Variants in GPHN observed in about 807,000 individuals in gnomAD.
GPHN encodes gephyrin.
A neutral mutation model predicts 95.5 loss-of-function variants in GPHN; 17 were observed. The observed-to-expected ratio is 0.18, with a 90% CI of 0.12 to 0.27. The LOEUF is 0.27. Among genes scored for constraint, GPHN ranks in the 10% least tolerant of loss-of-function variants. GPHN has a pLI of 1.00. For missense variants in GPHN, 660 were observed against 978.1 expected, an observed-to-expected ratio of 0.67 and a Z score of 4.34; for synonymous variants, 320 against 322.5, an observed-to-expected ratio of 0.99 and a Z score of 0.08.
At chr14:66,565,628 T>A (rs72724588) in intron 1 of GPHN, among the ~76,000 whole-genome samples, 8,904 of 152,270 alleles carry the variant, frequency 0.058, 354 homozygotes, top group Middle Eastern at 0.099. Context: ...ACAAATTTAC[T>A]GACCACATGT....
intron 2 of GPHN, among the ~76,000 whole-genome samples, chr14:66,698,620 TCTTACTC>T (rs1311413819): frequency 1.3e-5 from 2 of 152,200 alleles, no homozygotes; most frequent in African/African-American, 4.8e-5. Context: ...TAGAACACAG[TCTTACTC>T]ATTCACCTAT....
At chr14:66,857,516 G>A (rs2062850579) in intron 4 of GPHN, among the ~76,000 whole-genome samples, 2 of 152,148 alleles carry the variant, frequency 1.3e-5, no homozygotes. Context: ...AATAGAACAT[G>A]TAAAGCATTG....
At chr14:67,735,297 C>G in the GPHN span, 6 of 864,504 alleles carry the variant, frequency 6.9e-6, no homozygotes, top group South Asian at 6.6e-5. Context: ...GGCTACATCT[C>G]ACCTCTCTGT....
At chr14:67,291,147 C>T in the GPHN span, among the ~76,000 whole-genome samples, 73 of 151,578 alleles carry the variant, frequency 4.8e-4, no homozygotes, top group Non-Finnish European at 1.6e-4. Context: ...TATTGGAAAA[C>T]GATTCCCAAC....
Position 67,036,534 on chromosome 14 carries a change from CACACACAG to C in GPHN, c.1006+12861_1006+12868del, listed in dbSNP as rs1428168325. 1.0e-4 allele frequency among the ~76,000 whole-genome samples: 15 copies of C among 149,308 alleles called. 1 individual carries two copies. Among genetic ancestry groups the C allele is most frequent in the African/African-American group, 2.9e-4 (12 of 40,822 alleles). On this transcript the variant is annotated intron_variant, in intron 10 of 22. Coordinates refer to ENST00000478722, the MANE Select transcript of GPHN (RefSeq NM_020806.5). ...ACACACACACACACACACACACACA[CACACACAG>C]AGAAACACTAACTGTTAAAGCTAAT...
the GPHN span, chr14:67,678,234 T>C: frequency 1.1e-6 from 1 of 924,062 alleles, no homozygotes; most frequent in African/African-American, 1.6e-5. Flanking sequence ...TGCTAAAGGT[T>C]TTGAAAACCT....
chr14:67,079,316 A>G (rs2076605252), intron 11 of GPHN, among the ~76,000 whole-genome samples: 1 of 152,080 alleles, frequency 6.6e-6, no homozygotes, highest in Non-Finnish European at 1.5e-5. Context: ...CAAAGTATTC[A>G]GTGTTTTTAG....
At chr14:66,521,383 A>G (rs1297273668) in intron 1 of GPHN, among the ~76,000 whole-genome samples, 2 of 152,134 alleles carry the variant, frequency 1.3e-5, no homozygotes, top group African/African-American at 2.4e-5. Context: ...CCAGGTCTGT[A>G]TCACATATCC....
intron 1 of GPHN, among the ~76,000 whole-genome samples, chr14:66,644,732 A>G (rs2064632777): frequency 1.3e-5 from 2 of 152,140 alleles, no homozygotes; most frequent in African/African-American, 2.4e-5. Flanking sequence ...AATCCAGATT[A>G]CCTAGTCTTT....
chr14:67,484,532 T>C, the GPHN span, among the ~76,000 whole-genome samples: 1 of 152,234 alleles, frequency 6.6e-6, no homozygotes, highest in African/African-American at 2.4e-5. Flanking sequence ...AAGTTCCCTG[T>C]AATCACACAT....
intron 9 of GPHN, among the ~76,000 whole-genome samples, chr14:66,972,294 A>AAAAAG (rs1567167446): frequency 6.8e-6 from 1 of 147,144 alleles, no homozygotes; most frequent in East Asian, 2.0e-4. Flanking sequence ...AGAAAGAAAA[A>AAAAAG]AAAGAAAAAA....
chr14:66,833,637 C>G (rs1006441117), intron 4 of GPHN, among the ~76,000 whole-genome samples: 3 of 148,186 alleles, frequency 2.0e-5, no homozygotes, highest in African/African-American at 7.7e-5. Context: ...ACTTTATTCT[C>G]TTTGGAGGTT....
At chr14:67,279,223 TA>T in the GPHN span, 1 of 1,611,348 alleles carries the variant, frequency 6.2e-7, no homozygotes, top group Non-Finnish European at 8.5e-7. Flanking sequence ...GACAGCGAAG[TA>T]AAAAATGTTG....
intron 2 of GPHN, among the ~76,000 whole-genome samples, chr14:66,745,530 G>A (rs1210084598): frequency 2.6e-5 from 4 of 151,426 alleles, no homozygotes; most frequent in Admixed American, 2.0e-4. Context: ...ATTCTGTGAG[G>A]GATTATAAAT....
At chr14:66,670,466 G>A (rs996416613) in intron 1 of GPHN, among the ~76,000 whole-genome samples, 2 of 152,090 alleles carry the variant, frequency 1.3e-5, no homozygotes, top group Non-Finnish European at 2.9e-5. Flanking sequence ...ATAATGCCTC[G>A]TAATTTTACT....
the GPHN span, chr14:67,579,822 C>G: frequency 6.2e-7 from 1 of 1,609,400 alleles, no homozygotes; most frequent in Non-Finnish European, 8.5e-7. Context: ...TTGCCCTCTT[C>G]ACGGACGATC....
intron 9 of GPHN, among the ~76,000 whole-genome samples, chr14:67,006,314 C>T (rs2072606975): frequency 6.6e-6 from 1 of 151,698 alleles, no homozygotes. Flanking sequence ...CTCAGGATAC[C>T]AAAAAAAGGG....
intron 1 of GPHN, among the ~76,000 whole-genome samples, chr14:66,523,850 T>G (rs953554155): frequency 6.6e-6 from 1 of 152,124 alleles, no homozygotes; most frequent in African/African-American, 2.4e-5. Context: ...TCAATCTTGG[T>G]GTATCCCCAT....
chr14:67,280,853 T>TCCTTCCCTCCC, the GPHN span, among the ~76,000 whole-genome samples: 8 of 77,578 alleles, frequency 1.0e-4, no homozygotes, highest in East Asian at 1.3e-3. Context: ...CCTTCCTTCC[T>TCCTTCCCTCCC]TCCCTCCCTC....
Sources: gnomAD v4.1 joint callset for allele counts (sites outside exome capture counted in the v4.1 genomes callset) on GRCh38, gnomAD v4.1.1 for gene constraint, MANE v1.5 for transcripts, NCBI Gene and HGNC (gene_info 2026-07-23, HGNC 2026-07-21) for gene names.